The following RABEP1 variants were observed in gnomAD, a reference collection of about 807,000 sequenced individuals.
RABEP1 encodes rabaptin, RAB GTPase binding effector protein 1, also known as rab GTPase-binding effector protein 1.
Under a neutral mutation model 123.4 loss-of-function variants are expected in RABEP1, and 51 were observed. The ratio of observed to expected loss-of-function variants is 0.41; its 90% CI spans 0.33 to 0.52. The LOEUF (loss-of-function observed/expected upper bound fraction) is 0.52. RABEP1 is among the 20% of genes least tolerant of loss of function. The pLI, the probability that RABEP1 is intolerant of heterozygous loss-of-function variation, is 0.16. For synonymous variants in RABEP1, 347 were observed against 355.2 expected (o/e 0.98, Z 0.26); for missense variants, 888 against 996.3 (o/e 0.89, Z 1.46).
At chr17:5,302,888 A>T (rs917524237) in intron 1 of RABEP1, among the ~76,000 whole-genome samples, 5 of 151,518 alleles carry the variant, frequency 3.3e-5, no homozygotes, top group Admixed American at 3.3e-4. Flanking sequence ...CTTAAGAGCA[A>T]AATTTAAAAA....
chr17:5,360,404 T>C (rs1282512737), intron 8 of RABEP1, among the ~76,000 whole-genome samples: 2 of 152,072 alleles, frequency 1.3e-5, no homozygotes, highest in Non-Finnish European at 2.9e-5. Flanking sequence ...CTACTAAAAA[T>C]AGAAAACATT....
chr17:5,347,769 G>C (rs1441784772), intron 6 of RABEP1, among the ~76,000 whole-genome samples: 1 of 152,132 alleles, frequency 6.6e-6, no homozygotes, highest in African/African-American at 2.4e-5. Flanking sequence ...ATTTCCAAGT[G>C]TGCTATTGCA....
intron 6 of RABEP1, among the ~76,000 whole-genome samples, chr17:5,348,928 A>G (rs1277831957): frequency 6.6e-6 from 1 of 152,312 alleles, no homozygotes; most frequent in African/African-American, 2.4e-5. Context: ...TCGTTAAAGT[A>G]TACAATTCAG....
At chr17:5,338,258 C>CT in intron 5 of RABEP1, 120 bp downstream of exon 5, 8 of 1,287,032 alleles carry the variant, frequency 6.2e-6, no homozygotes, top group Non-Finnish European at 8.3e-6. Context: ...TCTTAAGAAT[C>CT]TTTCTTTAAA....
rs113034830 is a variant in RABEP1 at position 5,282,498 on chromosome 17, G to C, written c.12G>C (p.Pro4=). The C allele has an allele frequency of 3.1e-6, 4 of 1,280,766 alleles. No individual in the cohort carries two copies. The highest frequency in any genetic ancestry group is 3.0e-6 in the Non-Finnish European group (3 of 1,012,686). The allele number at this position is 1,280,766 out of a possible 1,614,324, so 79.3% of individuals were successfully genotyped here. MAQ[P]GPASQPDVSL... ...CCGGCCGCCTGGTCATGGCGCAGCCGGGCCCGGCTTCCCAGCCTGACGGTG... is the reference window on the plus strand; with the variant it reads ...CCGGCCGCCTGGTCATGGCGCAGCCCGGCCCGGCTTCCCAGCCTGACGGTG... The change falls in exon 1 of 18, where the codon CCG becomes CCC. Residue 4 remains proline, a synonymous_variant. Transcript: ENST00000537505.
intron 1 of RABEP1, among the ~76,000 whole-genome samples, chr17:5,297,960 G>A (rs1292205989): frequency 6.6e-6 from 1 of 152,174 alleles, no homozygotes; most frequent in Admixed American, 6.5e-5. Context: ...TAACATCAGC[G>A]TTCTTTCCTT....
intron 13 of RABEP1, among the ~76,000 whole-genome samples, chr17:5,376,811 T>A (rs1911031769): frequency 6.6e-6 from 1 of 152,234 alleles, no homozygotes; most frequent in South Asian, 2.1e-4. Flanking sequence ...GATTCTAAGG[T>A]ATTATTTCTA....
chr17:5,377,514 T>TAA (rs772937910), intron 14 of RABEP1, among the ~76,000 whole-genome samples: 1 of 127,238 alleles, frequency 7.9e-6, no homozygotes, highest in Non-Finnish European at 1.6e-5. Context: ...TCTGGTTATT[T>TAA]AAAAAATTTT....
chr17:5,362,560 G>T (rs1452448572), intron 9 of RABEP1, among the ~76,000 whole-genome samples: 2 of 152,216 alleles, frequency 1.3e-5, no homozygotes, highest in African/African-American at 4.8e-5. Flanking sequence ...ATTGGAGCTG[G>T]TGAAACGGTG....
intron 5 of RABEP1, among the ~76,000 whole-genome samples, chr17:5,343,582 G>A (rs1256359773): frequency 2.0e-5 from 3 of 150,870 alleles, no homozygotes; most frequent in South Asian, 2.1e-4. Flanking sequence ...CTTAATTATA[G>A]TAGCTTTACT....
intron 6 of RABEP1, among the ~76,000 whole-genome samples, chr17:5,347,671 C>T (rs1908184890): frequency 6.6e-6 from 1 of 152,118 alleles, no homozygotes; most frequent in South Asian, 2.1e-4. Context: ...CAGAAATTGA[C>T]TCTATTTTCC....
chr17:5,383,540 T>TTTCCCTACCCTAAAGCGACATCC lies in RABEP1; in HGVS notation c.*318_*340dup. Reference sequence around the variant, plus strand: ...CTCCAAGACAGATTTTCGGAACACATTTCCCTACCCTAAAGCGACATCCCA... The same window carrying TTTCCCTACCCTAAAGCGACATCC: ...CTCCAAGACAGATTTTCGGAACACATTTCCCTACCCTAAAGCGACATCCTTCCCTACCCTAAAGCGACATCCCA... On this transcript the variant is annotated 3_prime_UTR_variant, in exon 18 of 18. Transcript: ENST00000537505. The TTTCCCTACCCTAAAGCGACATCC allele has an allele frequency of 2.7e-6, 1 of 364,868 alleles. No individual in the cohort carries two copies. The highest frequency in any genetic ancestry group is 5.1e-6 in the Non-Finnish European group (1 of 196,010). The allele number at this position is 364,868 out of a possible 1,614,324, so 22.6% of individuals were successfully genotyped here. A position where few individuals can be genotyped will look rare whatever the true frequency, so the allele number is the denominator to read the frequency against.
intron 10 of RABEP1, among the ~76,000 whole-genome samples, chr17:5,363,292 T>C (rs1336108189): frequency 6.6e-6 from 1 of 151,596 alleles, no homozygotes; most frequent in Non-Finnish European, 1.5e-5. Context: ...GGATCTCAGC[T>C]CACTGCAACT....
chr17:5,359,142 C>G (rs1324943361), intron 8 of RABEP1, among the ~76,000 whole-genome samples: 1 of 149,904 alleles, frequency 6.7e-6, no homozygotes, highest in Admixed American at 6.6e-5. Context: ...GGTGTGATCT[C>G]GGCTCACTGC....
Position 5,352,985 on chromosome 17 carries a change from C to T in RABEP1, c.964-1374C>T, listed in dbSNP as rs182367255. 1.2e-4 allele frequency among the ~76,000 whole-genome samples: 18 copies of T among 152,306 alleles called. No individual in the cohort carries two copies. In the East Asian group the frequency reaches 2.9e-3, roughly 25 times the overall value. On this transcript the variant is annotated intron_variant, in intron 7 of 17. Transcript: ENST00000537505. ...GTGGTTATCAAAAACTCTCCATAAG[C>T]AGTAGGGACTACAATTATACGGTTC...
chr17:5,311,697 C>CA (rs35876639), intron 2 of RABEP1, among the ~76,000 whole-genome samples: 32,053 of 70,830 alleles, frequency 0.45, 8,462 homozygotes, highest in Non-Finnish European at 0.55. Context: ...GACTTCATCT[C>CA]AAAAAAAAAA....
intron 2 of RABEP1, among the ~76,000 whole-genome samples, chr17:5,325,730 A>C (rs942420553): frequency 3.9e-5 from 6 of 151,988 alleles, no homozygotes; most frequent in South Asian, 2.1e-4. Flanking sequence ...GAAAAAAAAA[A>C]CCGACAAATA....
At chr17:5,311,333 C>T (rs1185685589) in intron 2 of RABEP1, among the ~76,000 whole-genome samples, 4 of 152,040 alleles carry the variant, frequency 2.6e-5, no homozygotes, top group Non-Finnish European at 5.9e-5. Context: ...TAAATGTTTT[C>T]TTTACGGAGA....
At position 5,378,206 on chromosome 17, in the gene RABEP1, G is replaced by C; in HGVS notation, c.2245G>C (p.Glu749Gln). 10 of 1,593,072 alleles carry C rather than the reference G, an allele frequency of 6.3e-6. No individual in the cohort carries two copies. The highest frequency in any genetic ancestry group is 8.6e-6 in the Non-Finnish European group (10 of 1,161,102). Residue 749 changes from glutamate to glutamine, a missense_variant, in exon 15 of 18, where the codon GAA (glutamate) becomes CAA (glutamine). Transcript: ENST00000537505. Reference protein sequence around the residue: ...ASISSLKAELERIKVEKGQLE... With the variant: ...ASISSLKAELQRIKVEKGQLE... ...TATTTCTAGCCTAAAAGCTGAATTA[G>C]AAAGAATAAAAGTGGAAAAAGGACA...
Sources: allele counts gnomAD v4.1 joint callset (sites outside exome capture counted in the v4.1 genomes callset), GRCh38; gene constraint gnomAD v4.1.1; transcripts MANE v1.5; gene names NCBI Gene and HGNC (gene_info 2026-07-23, HGNC 2026-07-21).